The following PAFAH1B1 variants were observed in gnomAD, a reference collection of about 807,000 sequenced individuals.
The protein encoded by PAFAH1B1 is platelet activating factor acetylhydrolase 1b regulatory subunit 1.
In PAFAH1B1, 2 loss-of-function variants were observed where a neutral mutation model predicts 57.5. The observed-to-expected ratio is 0.03, with a 90% CI of 0.01 to 0.11. The LOEUF (loss-of-function observed/expected upper bound fraction) is 0.11. Among genes scored for constraint, PAFAH1B1 ranks in the 10% least tolerant of loss-of-function variants. PAFAH1B1 has a pLI of 1.00. For synonymous variants in PAFAH1B1, 152 were observed against 169.6 expected, an observed-to-expected ratio of 0.90 and a Z score of 0.81; for missense variants, 257 against 512.0, an observed-to-expected ratio of 0.50 and a Z score of 4.81.
intron 2 of PAFAH1B1, among the ~76,000 whole-genome samples, chr17:2,646,433 A>C (rs1439022364): frequency 1.1e-5 from 1 of 94,840 alleles, no homozygotes; most frequent in Admixed American, 1.4e-4. Context: ...GCAGTGGATC[A>C]CTTGAGGTCA....
At chr17:2,644,680 T>C (rs1201660775) in intron 2 of PAFAH1B1, among the ~76,000 whole-genome samples, 1 of 152,254 alleles carries the variant, frequency 6.6e-6, no homozygotes, top group East Asian at 1.9e-4. Context: ...AATAATACTG[T>C]AATACATAAC....
chr17:2,659,810 G>A (rs1165338943), intron 2 of PAFAH1B1, among the ~76,000 whole-genome samples: 7 of 152,012 alleles, frequency 4.6e-5, no homozygotes, highest in Non-Finnish European at 2.9e-5. Context: ...ACTCCAGCCT[G>A]GGTGACAGAG....
intron 1 of PAFAH1B1, among the ~76,000 whole-genome samples, chr17:2,631,845 C>G (rs759754848): frequency 2.0e-5 from 3 of 152,160 alleles, no homozygotes; most frequent in African/African-American, 4.8e-5. Flanking sequence ...GCAATCTAGT[C>G]CTGCTTCCTG....
At chr17:2,627,569 G>A (rs2068508550) in intron 1 of PAFAH1B1, among the ~76,000 whole-genome samples, 1 of 152,166 alleles carries the variant, frequency 6.6e-6, no homozygotes, top group Admixed American at 6.5e-5. Flanking sequence ...CTTTGGCTAT[G>A]CAGTCTCTTT....
chr17:2,651,858 A>AG (rs1295750215), intron 2 of PAFAH1B1, among the ~76,000 whole-genome samples: 1 of 152,114 alleles, frequency 6.6e-6, no homozygotes, highest in Non-Finnish European at 1.5e-5. Flanking sequence ...TTATTACTGA[A>AG]GTCCATAGTT....
intron 1 of PAFAH1B1, among the ~76,000 whole-genome samples, chr17:2,614,183 C>T (rs929491957): frequency 6.6e-6 from 1 of 151,862 alleles, no homozygotes; most frequent in Non-Finnish European, 1.5e-5. Flanking sequence ...TGTGTGCCAC[C>T]ATTCCTGGCT....
chr17:2,619,957 T>A (rs967474377), intron 1 of PAFAH1B1, among the ~76,000 whole-genome samples: 1 of 152,034 alleles, frequency 6.6e-6, no homozygotes, highest in Non-Finnish European at 1.5e-5. Flanking sequence ...TATTATTTTT[T>A]TATTATTATT....
At chr17:2,612,379 A>AT (rs948652614) in intron 1 of PAFAH1B1, among the ~76,000 whole-genome samples, 63 of 149,760 alleles carry the variant, frequency 4.2e-4, no homozygotes, top group African/African-American at 1.2e-3. Flanking sequence ...AATTTTTTGT[A>AT]TTTTTTTTAG....
intron 1 of PAFAH1B1, among the ~76,000 whole-genome samples, chr17:2,626,484 T>C (rs1187588743): frequency 6.8e-6 from 1 of 147,614 alleles, no homozygotes; most frequent in Admixed American, 7.0e-5. Context: ...TTAGCTACTA[T>C]GTAGAAAATT....
intron 1 of PAFAH1B1, among the ~76,000 whole-genome samples, chr17:2,636,301 G>C (rs1028067081): frequency 2.0e-5 from 3 of 152,072 alleles, no homozygotes; most frequent in Admixed American, 6.6e-5. Context: ...TAGTTAGCTG[G>C]GCTCCAGGTC....
Position 2,683,940 on chromosome 17 carries a change from A to T in PAFAH1B1, c.*2138A>T, listed in dbSNP as rs1489158024. The T allele has an allele frequency of 6.6e-6, 1 of 152,664 alleles. No individual in the cohort carries two copies. The highest frequency in any genetic ancestry group is 2.4e-5 in the African/African-American group (1 of 41,464). The allele number at this position is 152,664 out of a possible 1,614,324, so 9.5% of individuals were successfully genotyped here. On this transcript the variant is annotated 3_prime_UTR_variant, in exon 11 of 11. Coordinates refer to ENST00000397195, the MANE Select transcript of PAFAH1B1 (RefSeq NM_000430.4). ...ATGAATTGTTTAAGGGTAAGCCACA[A>T]CATCTAGAAATCACTCATAGATATT...
intron 2 of PAFAH1B1, among the ~76,000 whole-genome samples, chr17:2,655,850 A>G (rs1469115655): frequency 6.6e-6 from 1 of 152,012 alleles, no homozygotes; most frequent in Non-Finnish European, 1.5e-5. Context: ...AGAAAGTTAT[A>G]TGCTGAGTAG....
At chr17:2,670,439 A>G in intron 6 of PAFAH1B1, 108 bp downstream of exon 6, 1 of 1,068,810 alleles carries the variant, frequency 9.4e-7, no homozygotes, top group Admixed American at 1.7e-5. Context: ...CTTAATTGTC[A>G]GTATTGGTGG....
At chr17:2,649,147 G>T (rs2068814594) in intron 2 of PAFAH1B1, among the ~76,000 whole-genome samples, 2 of 150,412 alleles carry the variant, frequency 1.3e-5, no homozygotes, top group Non-Finnish European at 2.9e-5. Context: ...AAACTGGGAG[G>T]CAGAGGCTGC....
chr17:2,609,514 TGAA>T (rs1396019411), intron 1 of PAFAH1B1: 1 of 152,154 alleles, frequency 6.6e-6, no homozygotes, highest in Non-Finnish European at 1.5e-5. Context: ...TTTCTGGAAA[TGAA>T]GATTTTTTTT....
At chr17:2,625,614 G>A (rs543371197) in intron 1 of PAFAH1B1, among the ~76,000 whole-genome samples, 2 of 152,246 alleles carry the variant, frequency 1.3e-5, no homozygotes, top group African/African-American at 4.8e-5. Flanking sequence ...TTTAAAAAAT[G>A]TTTACTCCAT....
rs1308101130 is a variant in PAFAH1B1, at chr17:2,670,260, C to T, written c.497C>T (p.Ala166Val). Residue 166 changes from alanine (A) to valine (V), a missense_variant, in exon 6 of 11, where the codon GCT (alanine) becomes GTT (valine). Coordinates refer to ENST00000397195, the MANE Select transcript of PAFAH1B1 (RefSeq NM_000430.4). ...ISFDHSGKLLASCSADMTIKL... is the reference protein window; with the variant it reads ...ISFDHSGKLLVSCSADMTIKL... ...TTCGACCACAGCGGCAAGCTTCTGG[C>T]TTCCTGTTCTGCAGATATGACCATT... is the stretch of plus-strand genomic sequence containing the variant. 3 of 1,614,112 alleles carry T rather than the reference C, an allele frequency of 1.9e-6. No individual in the cohort carries two copies. The highest frequency in any genetic ancestry group is 2.5e-6 in the Non-Finnish European group (3 of 1,179,966).
At chr17:2,604,013 G>A (rs2068175459) in intron 1 of PAFAH1B1, among the ~76,000 whole-genome samples, 1 of 152,062 alleles carries the variant, frequency 6.6e-6, no homozygotes, top group South Asian at 2.1e-4. Context: ...TGGGATTACA[G>A]GCGTGAGCCA....
At chr17:2,623,475 G>A (rs1416206625) in intron 1 of PAFAH1B1, among the ~76,000 whole-genome samples, 3 of 149,642 alleles carry the variant, frequency 2.0e-5, no homozygotes, top group Non-Finnish European at 4.4e-5. Flanking sequence ...AGCCAGGATG[G>A]TCTCAATCTC....
Sources: gnomAD v4.1 joint callset for allele counts (sites outside exome capture counted in the v4.1 genomes callset) on GRCh38, gnomAD v4.1.1 for gene constraint, MANE v1.5 for transcripts, NCBI Gene and HGNC (gene_info 2026-07-23, HGNC 2026-07-21) for gene names.